Variants in SEMA3A observed in about 807,000 individuals in gnomAD.
SEMA3A encodes the protein semaphorin 3A.
In SEMA3A, 29 loss-of-function variants were observed where a neutral mutation model predicts 97.9. The ratio of observed to expected loss-of-function variants is 0.30; its 90% CI spans 0.22 to 0.40. SEMA3A has a LOEUF of 0.40. Among genes scored for constraint, SEMA3A ranks in the 10% least tolerant of loss-of-function variants. SEMA3A has a pLI of 1.00. For synonymous variants in SEMA3A, 321 were observed against 323.7 expected, an observed-to-expected ratio of 0.99 and a Z score of 0.09; for missense variants, 763 against 951.3, an observed-to-expected ratio of 0.80 and a Z score of 2.60.
rs71078827 is a variant in SEMA3A, at chr7:84,390,335, AATTATTATT to A, written c.-245-18444_-245-18436del. On this transcript the variant is annotated intron_variant, in intron 1 of 3. Coordinates refer to the SEMA3A transcript ENST00000424555. ...ATTGAAAAAGCTTGTGATATTCAAG[AATTATTATT>A]ATTATTATTATTATTATTATTATAG... 2.6e-4 allele frequency among the ~76,000 whole-genome samples: 38 copies of A among 143,666 alleles called. 1 individual carries two copies. Among genetic ancestry groups the A allele is most frequent in the African/African-American group, 8.4e-4 (33 of 39,222 alleles). 94.3% of individuals were successfully genotyped at this position (143,666 alleles called of 152,430 possible). A position where few individuals can be genotyped will look rare whatever the true frequency, so the allele number is the denominator to read the frequency against.
intron 3 of SEMA3A, among the ~76,000 whole-genome samples, chr7:84,243,743 T>A (rs905223804): frequency 5.3e-5 from 8 of 151,914 alleles, no homozygotes; most frequent in African/African-American, 1.4e-4. Flanking sequence ...TTTAGTGCTA[T>A]AAATTTCCCT....
intron 2 of SEMA3A, among the ~76,000 whole-genome samples, chr7:84,317,338 T>C (rs1386158396): frequency 1.3e-5 from 2 of 152,192 alleles, no homozygotes; most frequent in Non-Finnish European, 2.9e-5. Flanking sequence ...GAGAATAAAA[T>C]ATGGACTATA....
At chr7:84,313,169 T>G (rs1421496267) in intron 2 of SEMA3A, among the ~76,000 whole-genome samples, 9 of 145,350 alleles carry the variant, frequency 6.2e-5, no homozygotes, top group Non-Finnish European at 1.2e-4. Context: ...AGTGAAATTA[T>G]TGGAAAGACT....
chr7:84,078,754 A>G (rs1437727793), intron 4 of SEMA3A, among the ~76,000 whole-genome samples: 1 of 151,934 alleles, frequency 6.6e-6, no homozygotes, highest in Non-Finnish European at 1.5e-5. Flanking sequence ...TTATATATAC[A>G]CATATATATA....
chr7:84,089,139 C>T (rs1169924363), intron 4 of SEMA3A, among the ~76,000 whole-genome samples: 2 of 152,056 alleles, frequency 1.3e-5, no homozygotes, highest in African/African-American at 4.8e-5. Context: ...CACCACTTTG[C>T]AGCATATTGT....
At chr7:84,136,318 CT>C in intron 1 of SEMA3A, among the ~76,000 whole-genome samples, 1 of 152,140 alleles carries the variant, frequency 6.6e-6, no homozygotes, top group East Asian at 1.9e-4. Flanking sequence ...TCTATTTGTC[CT>C]ACTGACCTCT....
At chr7:84,475,954 TA>T (rs1238422499) in intron 1 of SEMA3A, among the ~76,000 whole-genome samples, 1 of 152,298 alleles carries the variant, frequency 6.6e-6, no homozygotes, top group East Asian at 1.9e-4. Flanking sequence ...AACATACAAA[TA>T]AAGCCAGTTT....
chr7:84,128,219 C>A (rs1293580981), intron 3 of SEMA3A, among the ~76,000 whole-genome samples: 1 of 150,408 alleles, frequency 6.6e-6, no homozygotes, highest in African/African-American at 2.4e-5. Context: ...CCTTTTTCAA[C>A]CCATATTTAT....
intron 1 of SEMA3A, among the ~76,000 whole-genome samples, chr7:84,153,421 C>T (rs1796740525): frequency 1.3e-5 from 2 of 152,148 alleles, no homozygotes; most frequent in Non-Finnish European, 2.9e-5. Flanking sequence ...TTAATATACA[C>T]TGCAGCAGAG....
At chr7:84,010,309 T>C (rs3801604) in intron 9 of SEMA3A, among the ~76,000 whole-genome samples, 7,283 of 152,266 alleles carry the variant, frequency 0.048, 287 homozygotes, top group East Asian at 0.18. Context: ...AATAATTTTT[T>C]AAATTACCTA....
chr7:84,426,857 G>T (rs1252639814), intron 1 of SEMA3A, among the ~76,000 whole-genome samples: 1 of 152,038 alleles, frequency 6.6e-6, no homozygotes, highest in Non-Finnish European at 1.5e-5. Context: ...CCTTTGGAAG[G>T]TGATAACTTC....
chr7:83,966,662 T>C (rs887878618), intron 15 of SEMA3A, among the ~76,000 whole-genome samples: 1 of 152,188 alleles, frequency 6.6e-6, no homozygotes, highest in Admixed American at 6.5e-5. Context: ...TCCTATTTTA[T>C]ATTTTGTTAG....
chr7:84,417,980 T>A (rs979793888), intron 1 of SEMA3A, among the ~76,000 whole-genome samples: 2 of 152,012 alleles, frequency 1.3e-5, no homozygotes, highest in Non-Finnish European at 2.9e-5. Context: ...AGAATGACAG[T>A]TTTTAGGGAT....
intron 1 of SEMA3A, among the ~76,000 whole-genome samples, chr7:84,424,358 T>A (rs1253710428): frequency 7.2e-6 from 1 of 139,026 alleles, no homozygotes; most frequent in Non-Finnish European, 1.5e-5. Flanking sequence ...ATATATAATA[T>A]ATAAAATAAT....
intron 6 of SEMA3A, among the ~76,000 whole-genome samples, chr7:84,016,537 C>CA (rs60668785): frequency 0.082 from 8,410 of 102,234 alleles, 322 homozygotes; most frequent in East Asian, 0.22. Flanking sequence ...GACTCTGTCT[C>CA]AAAAAAAAAA....
At chr7:84,126,151 G>A (rs529160741) in intron 3 of SEMA3A, among the ~76,000 whole-genome samples, 29 of 152,004 alleles carry the variant, frequency 1.9e-4, no homozygotes, top group Non-Finnish European at 3.2e-4. Flanking sequence ...TCTCAGTTAC[G>A]TAATATTTTG....
chr7:84,444,180 C>T, intron 1 of SEMA3A, among the ~76,000 whole-genome samples: 1 of 152,060 alleles, frequency 6.6e-6, no homozygotes, highest in Admixed American at 6.6e-5. Context: ...GCCACCACAC[C>T]CGGCCTGATT....
chr7:84,005,693 A>C, intron 10 of SEMA3A, 135 bp from the exon 11 acceptor site: 1 of 604,684 alleles, frequency 1.7e-6, no homozygotes, highest in Admixed American at 3.0e-5. Context: ...CACACCTCTA[A>C]TCCTAGCACT....
At chr7:84,407,817 A>G (rs56253947) in intron 1 of SEMA3A, among the ~76,000 whole-genome samples, 69,726 of 152,028 alleles carry the variant, frequency 0.46, 17,648 homozygotes, top group East Asian at 0.79. Flanking sequence ...TTAATAAATG[A>G]TGCTGGGAAA....
Sources: allele counts gnomAD v4.1 joint callset (sites outside exome capture counted in the v4.1 genomes callset), GRCh38; gene constraint gnomAD v4.1.1; transcripts MANE v1.5; gene names NCBI Gene and HGNC (gene_info 2026-07-23, HGNC 2026-07-21).